Variants in DPP6 observed in about 807,000 individuals in gnomAD.
DPP6 encodes A-type potassium channel modulatory protein DPP6.
A neutral mutation model predicts 122.6 loss-of-function variants in DPP6; 69 were observed. The observed-to-expected ratio is 0.56, with a 90% CI of 0.46 to 0.69. DPP6 has a LOEUF of 0.69. Ranked by LOEUF, DPP6 falls within the 30% of genes least tolerant of loss-of-function variation. The pLI is 0.00. For missense variants in DPP6, 928 were observed against 1,116.9 expected (o/e 0.83, Z 2.41); for synonymous variants, 418 against 433.1 (o/e 0.97, Z 0.43).
chr7:154,709,361 G>A (rs1428805331), intron 7 of DPP6, among the ~76,000 whole-genome samples: 3 of 108,532 alleles, frequency 2.8e-5, no homozygotes, highest in Non-Finnish European at 5.2e-5. Flanking sequence ...TTAATGTTTT[G>A]TTGTTGTTGT....
rs200237333 is a variant in DPP6, at chr7:154,097,265, T to G, written c.243+44202T>G. Among the ~76,000 whole-genome samples the G allele has an allele frequency of 6.6e-5, 10 of 152,124 alleles. No individual in the cohort carries two copies. In the East Asian group the frequency reaches 7.8e-4, roughly 12 times the overall value. ...AGCCAGGGTCCTACAAACACCCTCA[T>G]AAGTGGGCTTATTTTGGCCCATCCC... is the stretch of plus-strand genomic sequence containing the variant. On this transcript the variant is annotated intron_variant, in intron 1 of 25. Coordinates refer to ENST00000377770, the MANE Select transcript of DPP6 (RefSeq NM_130797.4).
intron 1 of DPP6, among the ~76,000 whole-genome samples, chr7:154,149,322 G>C (rs1796288092): frequency 6.6e-6 from 1 of 152,254 alleles, no homozygotes; most frequent in Non-Finnish European, 1.5e-5. Flanking sequence ...TGGGCCTGTT[G>C]TTTCAAGCCC....
intron 5 of DPP6, chr7:154,587,536 C>G (rs927751602): frequency 5.4e-6 from 6 of 1,103,682 alleles, no homozygotes; most frequent in Middle Eastern, 4.1e-4. Flanking sequence ...TGAACATTGC[C>G]CATTGATTTT....
At chr7:154,709,205 G>A (rs2131296180) in intron 7 of DPP6, among the ~76,000 whole-genome samples, 1 of 152,284 alleles carries the variant, frequency 6.6e-6, no homozygotes, top group African/African-American at 2.4e-5. Flanking sequence ...GTTGATTTGT[G>A]TATGTTTTGT....
intron 7 of DPP6, among the ~76,000 whole-genome samples, chr7:154,697,802 A>G (rs1840301833): frequency 6.6e-6 from 1 of 152,186 alleles, no homozygotes; most frequent in African/African-American, 2.4e-5. Context: ...CACCACCTTC[A>G]GCCATGGCGT....
chr7:154,876,296 T>A, intron 20 of DPP6, 196 bp downstream of exon 20: 2 of 1,010,530 alleles, frequency 2.0e-6, no homozygotes, highest in East Asian at 3.0e-5. Flanking sequence ...GGGACATTTA[T>A]AACTAGTTTT....
At chr7:154,758,781 G>A (rs192749397) in intron 8 of DPP6, among the ~76,000 whole-genome samples, 3 of 152,266 alleles carry the variant, frequency 2.0e-5, no homozygotes, top group African/African-American at 7.2e-5. Context: ...TGTAAGAAGG[G>A]ATGCTTATAT....
chr7:154,380,074 A>AG (rs1813460152), intron 1 of DPP6, among the ~76,000 whole-genome samples: 1 of 152,198 alleles, frequency 6.6e-6, no homozygotes, highest in South Asian at 2.1e-4. Flanking sequence ...AATGAGGTTG[A>AG]GGGGAGAATA....
At chr7:154,059,422 C>A (rs867060363) in intron 1 of DPP6, 2 of 151,636 alleles carry the variant, frequency 1.3e-5, no homozygotes, top group Admixed American at 1.3e-4. Flanking sequence ...AATCTTCCGA[C>A]GGCAGGTACC....
At chr7:154,384,725 C>G (rs1198670789) in intron 1 of DPP6, among the ~76,000 whole-genome samples, 3 of 126,152 alleles carry the variant, frequency 2.4e-5, no homozygotes, top group Non-Finnish European at 3.3e-5. Flanking sequence ...TTTTTTCTTT[C>G]TTTCTTTCTT....
chr7:154,116,150 G>C (rs1258411895), intron 1 of DPP6, among the ~76,000 whole-genome samples: 29 of 151,600 alleles, frequency 1.9e-4, no homozygotes, highest in Non-Finnish European at 1.0e-4. Flanking sequence ...TTAGTTACTT[G>C]AATAGATCAT....
chr7:154,617,616 G>A (rs554435236), intron 5 of DPP6, among the ~76,000 whole-genome samples: 2 of 152,224 alleles, frequency 1.3e-5, no homozygotes, highest in African/African-American at 2.4e-5. Flanking sequence ...GTGACTGCTC[G>A]TGAACATTTG....
intron 16 of DPP6, among the ~76,000 whole-genome samples, chr7:154,831,087 C>A (rs561938024): frequency 6.6e-6 from 1 of 152,328 alleles, no homozygotes; most frequent in South Asian, 2.1e-4. Flanking sequence ...CCCTCAGAAG[C>A]CACCCTGCCC....
chr7:154,506,434 G>A (rs1825671699), intron 3 of DPP6, among the ~76,000 whole-genome samples: 1 of 152,084 alleles, frequency 6.6e-6, no homozygotes, highest in Non-Finnish European at 1.5e-5. Context: ...ATTTTTTTGT[G>A]TTTAATGGTA....
At chr7:154,716,786 G>A (rs1031797072) in intron 7 of DPP6, among the ~76,000 whole-genome samples, 2 of 145,340 alleles carry the variant, frequency 1.4e-5, no homozygotes, top group East Asian at 1.9e-4. Flanking sequence ...CATAATAATT[G>A]TACTTATTTA....
chr7:154,798,672 T>C (rs1023005549), intron 12 of DPP6, among the ~76,000 whole-genome samples: 2 of 152,182 alleles, frequency 1.3e-5, no homozygotes, highest in African/African-American at 2.4e-5. Flanking sequence ...ATGGCAGCAG[T>C]TGGGAGGCCA....
At chr7:154,679,325 G>A (rs13227354) in intron 7 of DPP6, among the ~76,000 whole-genome samples, 18,553 of 152,282 alleles carry the variant, frequency 0.12, 1,498 homozygotes, top group Non-Finnish European at 0.18. Flanking sequence ...TCAGGTGACA[G>A]CAATTCCCCT....
At chr7:153,844,507 T>C in the DPP6 span, among the ~76,000 whole-genome samples, 2 of 152,258 alleles carry the variant, frequency 1.3e-5, no homozygotes, top group African/African-American at 4.8e-5. Context: ...TGAACCATTC[T>C]GTTCTAATCA....
intron 1 of DPP6, among the ~76,000 whole-genome samples, chr7:154,167,234 T>C (rs1353983349): frequency 1.3e-5 from 2 of 152,166 alleles, no homozygotes; most frequent in African/African-American, 4.8e-5. Context: ...GCGTGGTGTG[T>C]GCTGCATTGA....
Sources: gnomAD v4.1 joint callset for allele counts (sites outside exome capture counted in the v4.1 genomes callset) on GRCh38, gnomAD v4.1.1 for gene constraint, MANE v1.5 for transcripts, NCBI Gene and HGNC (gene_info 2026-07-23, HGNC 2026-07-21) for gene names.